CLIC5: variants seen among roughly 807,000 people sequenced by gnomAD.
CLIC5 encodes the protein CLIC family member 5.
A neutral mutation model predicts 24.7 loss-of-function variants in CLIC5; 20 were observed. The ratio of observed to expected loss-of-function variants is 0.81; its 90% CI spans 0.57 to 1.18. The LOEUF (loss-of-function observed/expected upper bound fraction) is 1.18. Among genes scored for constraint, CLIC5 ranks in the 50% most tolerant of loss-of-function variants. The pLI is 0.00. For missense variants in CLIC5, 341 were observed against 326.1 expected (o/e 1.05, Z -0.35); for synonymous variants, 159 against 135.6 (o/e 1.17, Z -1.20).
At chr6:45,942,232 C>T (rs1764155884) in intron 3 of CLIC5, among the ~76,000 whole-genome samples, 1 of 152,058 alleles carries the variant, frequency 6.6e-6, no homozygotes, top group African/African-American at 2.4e-5. Flanking sequence ...CTACCAAGCT[C>T]CAAAAAAGGA....
At chr6:45,882,802 A>T (rs1250844816) in intron 6 of CLIC5, among the ~76,000 whole-genome samples, 1 of 152,210 alleles carries the variant, frequency 6.6e-6, no homozygotes, top group Non-Finnish European at 1.5e-5. Flanking sequence ...AATGTGGTAA[A>T]TGTTTAACTC....
chr6:46,122,617 C>A, the CLIC5 span, among the ~76,000 whole-genome samples: 7 of 152,186 alleles, frequency 4.6e-5, no homozygotes, highest in Non-Finnish European at 8.8e-5. Flanking sequence ...ACAAAAAACC[C>A]TTCAAAAAAT....
intron 5 of CLIC5, among the ~76,000 whole-genome samples, chr6:45,904,749 T>A (rs1025902194): frequency 6.7e-6 from 1 of 149,078 alleles, no homozygotes; most frequent in Non-Finnish European, 1.5e-5. Context: ...TCCCTCTTTT[T>A]TTTGGGGGGA....
At chr6:45,957,565 C>T (rs1404108581) in intron 1 of CLIC5, among the ~76,000 whole-genome samples, 1 of 152,132 alleles carries the variant, frequency 6.6e-6, no homozygotes, top group African/African-American at 2.4e-5. Flanking sequence ...TGGACATCCT[C>T]TGGTCAGTGT....
At chr6:45,982,917 C>G (rs1299161395) in intron 1 of CLIC5, among the ~76,000 whole-genome samples, 1 of 152,090 alleles carries the variant, frequency 6.6e-6, no homozygotes, top group Non-Finnish European at 1.5e-5. Flanking sequence ...TTTGTAAGAG[C>G]TGAAAAGAAT....
At chr6:46,124,870 CAAT>C in the CLIC5 span, among the ~76,000 whole-genome samples, 8 of 152,308 alleles carry the variant, frequency 5.3e-5, no homozygotes, top group East Asian at 1.5e-3. Flanking sequence ...ATCAAAACCA[CAAT>C]GAGATGTCAT....
intron 4 of CLIC5, among the ~76,000 whole-genome samples, chr6:45,916,791 T>C (rs1341549701): frequency 1.3e-5 from 2 of 152,234 alleles, no homozygotes; most frequent in Non-Finnish European, 2.9e-5. Flanking sequence ...TGTTGATTCA[T>C]GTTGCAACTG....
intron 4 of CLIC5, among the ~76,000 whole-genome samples, chr6:45,918,024 T>C (rs1420268156): frequency 6.6e-6 from 1 of 152,204 alleles, no homozygotes; most frequent in Non-Finnish European, 1.5e-5. Context: ...AGGGACTTGA[T>C]AGATACCCAG....
intron 1 of CLIC5, among the ~76,000 whole-genome samples, chr6:45,993,848 T>C (rs749608689): frequency 1.6e-4 from 24 of 152,226 alleles, no homozygotes; most frequent in Non-Finnish European, 3.1e-4. Context: ...ATTCTTTCTA[T>C]AGCAAGCCCT....
rs924757441 is a variant in CLIC5 at position 45,900,035 on chromosome 6, G to C, written c.*3053C>G. The C allele has an allele frequency of 6.6e-6, 1 of 152,034 alleles. No individual in the cohort carries two copies. The highest frequency in any genetic ancestry group is 1.5e-5 in the Non-Finnish European group (1 of 68,008). The allele number at this position is 152,034 out of a possible 1,614,324, so 9.4% of individuals were successfully genotyped here. On this transcript the variant is annotated 3_prime_UTR_variant, in exon 6 of 6. Transcript: ENST00000339561. The stretch of plus-strand genomic sequence containing the variant: ...CAGGAGATGAAGAAACTGTGCTTTG[G>C]ATCCATCATGATTTTACTTATCCAG...
the CLIC5 span, among the ~76,000 whole-genome samples, chr6:46,112,255 C>G: frequency 6.6e-6 from 1 of 152,180 alleles, no homozygotes; most frequent in Admixed American, 6.5e-5. Context: ...GAGGCCTTCC[C>G]CTGTCTGGAC....
chr6:45,895,764 A>G (rs1285350639), downstream of CLIC5, among the ~76,000 whole-genome samples: 1 of 152,242 alleles, frequency 6.6e-6, no homozygotes, highest in Admixed American at 6.5e-5. Context: ...AACAGTGACT[A>G]ACACACAGGA....
At chr6:45,999,606 G>A (rs1162385881) in intron 1 of CLIC5, among the ~76,000 whole-genome samples, 1 of 151,928 alleles carries the variant, frequency 6.6e-6, no homozygotes, top group Non-Finnish European at 1.5e-5. Flanking sequence ...GAGAGAATAA[G>A]GCCAACCCCT....
At chr6:45,959,000 A>G (rs1312013691) in intron 1 of CLIC5, among the ~76,000 whole-genome samples, 1 of 152,182 alleles carries the variant, frequency 6.6e-6, no homozygotes, top group Non-Finnish European at 1.5e-5. Flanking sequence ...ACATACATAC[A>G]TACATGGTTA....
intron 1 of CLIC5, among the ~76,000 whole-genome samples, chr6:45,959,055 C>A (rs1332998557): frequency 1.3e-5 from 2 of 152,348 alleles, no homozygotes; most frequent in South Asian, 2.1e-4. Flanking sequence ...GGTTCTAGAT[C>A]CATCTCTGCC....
chr6:46,083,214 C>T (rs1453821502), upstream of CLIC5, among the ~76,000 whole-genome samples: 1 of 152,194 alleles, frequency 6.6e-6, no homozygotes, highest in Admixed American at 6.5e-5. Flanking sequence ...TGTCCTTTTA[C>T]TCCTGGCTCA....
At chr6:46,109,618 A>C in the CLIC5 span, among the ~76,000 whole-genome samples, 10 of 151,130 alleles carry the variant, frequency 6.6e-5, no homozygotes, top group African/African-American at 2.4e-4. Context: ...GGGAATGAAT[A>C]GAGGACTGAA....
chr6:45,893,556 C>T (rs114890840), downstream of CLIC5, among the ~76,000 whole-genome samples: 1 of 152,160 alleles, frequency 6.6e-6, no homozygotes, highest in African/African-American at 2.4e-5. Context: ...AGAGCAGGGC[C>T]TGCCAGCTCT....
In CLIC5 at chr6:45,958,422, TTATATATATATATATATATATATATA is replaced by T. The variant is rs35922936; in HGVS notation, c.64-3204_64-3179del. On this transcript the variant is annotated intron_variant, in intron 1 of 5. Coordinates refer to ENST00000339561, the MANE Select transcript of CLIC5 (RefSeq NM_016929.5). ...AATCAGGGAAGTGTCAAAAAGACAATTATATATATATATATATATATATATATATATATATATATATATATATATAT... is the reference window on the plus strand; with the variant it reads ...AATCAGGGAAGTGTCAAAAAGACAATTATATATATATATATATATATATAT... Among the ~76,000 whole-genome samples the T allele has an allele frequency of 4.7e-3, 39 of 8,376 alleles. 2 individuals are homozygous for T. Among genetic ancestry groups the T allele is most frequent in the South Asian group, 9.2e-3 (3 of 326 alleles). The allele number at this position is 8,376 out of a possible 152,430, so 5.5% of individuals were successfully genotyped here. A position where few individuals can be genotyped will look rare whatever the true frequency, so the allele number is the denominator to read the frequency against.
Sources: gnomAD v4.1 joint callset for allele counts (sites outside exome capture counted in the v4.1 genomes callset) on GRCh38, gnomAD v4.1.1 for gene constraint, MANE v1.5 for transcripts, NCBI Gene and HGNC (gene_info 2026-07-23, HGNC 2026-07-21) for gene names.